Variants in EPHA6 observed in about 807,000 individuals in gnomAD.
The protein encoded by EPHA6 is ephrin type-A receptor 6.
In EPHA6, 50 loss-of-function variants were observed where a neutral mutation model predicts 112.0. The observed-to-expected ratio is 0.45, with a 90% CI of 0.36 to 0.56. EPHA6 has a LOEUF of 0.56. Ranked by LOEUF, EPHA6 falls within the 20% of genes least tolerant of loss-of-function variation. The probability of loss-of-function intolerance (pLI) is 0.00; values close to 1 mark genes in which losing one functional copy is unlikely to be tolerated. For missense variants in EPHA6, 1,280 were observed against 1,417.4 expected, an observed-to-expected ratio of 0.90 and a Z score of 1.56; for synonymous variants, 529 against 490.7, an observed-to-expected ratio of 1.08 and a Z score of -1.03.
In EPHA6 at chr3:97,209,407, C is replaced by A. The variant is rs377528003; in HGVS notation, c.1115-16857C>A. Among the ~76,000 whole-genome samples, 83 of 152,226 alleles carry A rather than the reference C, an allele frequency of 5.5e-4. 1 individual carries two copies. The highest frequency in any genetic ancestry group is 6.8e-3 in the Middle Eastern group (2 of 294). On this transcript the variant is annotated intron_variant, in intron 3 of 17. Transcript: ENST00000389672. ...TGGCTTCGAGAGCCTGGCTTGCTTA[C>A]GTATCATCTCTGTGACCTTCAGCAA...
intron 12 of EPHA6, among the ~76,000 whole-genome samples, chr3:97,595,968 C>G (rs1014339337): frequency 1.1e-4 from 16 of 146,252 alleles, no homozygotes; most frequent in Middle Eastern, 3.7e-3. Flanking sequence ...TGCAGTGGCA[C>G]GATCTCGGCT....
intron 10 of EPHA6, among the ~76,000 whole-genome samples, chr3:97,499,467 T>A (rs2092064103): frequency 6.6e-6 from 1 of 152,180 alleles, no homozygotes; most frequent in African/African-American, 2.4e-5. Flanking sequence ...TACAGTCTTG[T>A]GCCACTTAAG....
intron 2 of EPHA6, among the ~76,000 whole-genome samples, chr3:96,912,614 G>C (rs1183716159): frequency 6.6e-6 from 1 of 152,060 alleles, no homozygotes; most frequent in African/African-American, 2.4e-5. Context: ...TTGAAAAGGG[G>C]GTTCACTCTG....
chr3:97,046,886 A>G (rs1021121388), intron 3 of EPHA6, among the ~76,000 whole-genome samples: 2 of 152,150 alleles, frequency 1.3e-5, no homozygotes, highest in African/African-American at 2.4e-5. Flanking sequence ...AAAAACTTCA[A>G]TACTAAAATG....
chr3:97,456,890 T>C (rs1202060575), intron 7 of EPHA6, among the ~76,000 whole-genome samples: 1 of 152,218 alleles, frequency 6.6e-6, no homozygotes, highest in Non-Finnish European at 1.5e-5. Context: ...CTTAGGTATT[T>C]CAAATTGCCC....
intron 14 of EPHA6, among the ~76,000 whole-genome samples, chr3:97,677,035 TTTTAA>T (rs1258947122): frequency 6.6e-6 from 1 of 152,214 alleles, no homozygotes; most frequent in Non-Finnish European, 1.5e-5. Flanking sequence ...GGAACTGATT[TTTTAA>T]TTTAAGTTTA....
intron 13 of EPHA6, among the ~76,000 whole-genome samples, chr3:97,615,799 T>C (rs1186177584): frequency 6.6e-6 from 1 of 152,100 alleles, no homozygotes; most frequent in East Asian, 1.9e-4. Context: ...CCTCCTGTGT[T>C]CTCCAGCCCA....
At chr3:97,554,604 C>T (rs2093076518) in intron 11 of EPHA6, among the ~76,000 whole-genome samples, 1 of 152,090 alleles carries the variant, frequency 6.6e-6, no homozygotes, top group South Asian at 2.1e-4. Context: ...CATTTTTCCA[C>T]TCTTTTCAAC....
intron 1 of EPHA6, among the ~76,000 whole-genome samples, chr3:96,857,061 G>T (rs116342353): frequency 0.014 from 2,175 of 152,102 alleles, 57 homozygotes; most frequent in African/African-American, 0.049. Context: ...AGATTTCATT[G>T]CCATAATCTG....
intron 14 of EPHA6, among the ~76,000 whole-genome samples, chr3:97,697,191 C>G (rs1161440810): frequency 6.6e-6 from 1 of 152,186 alleles, no homozygotes; most frequent in Non-Finnish European, 1.5e-5. Context: ...TTATTTGTAT[C>G]CCAGCCTTTT....
At chr3:97,545,701 A>G (rs905458804) in intron 11 of EPHA6, among the ~76,000 whole-genome samples, 2 of 152,114 alleles carry the variant, frequency 1.3e-5, no homozygotes, top group African/African-American at 4.8e-5. Flanking sequence ...TGGGAGTCTA[A>G]GTCTCTTTGT....
intron 14 of EPHA6, among the ~76,000 whole-genome samples, chr3:97,681,388 GA>G: frequency 6.6e-6 from 1 of 152,012 alleles, no homozygotes; most frequent in South Asian, 2.1e-4. Context: ...TTTCACATGA[GA>G]ATAAAGACTT....
rs938708909 is a variant in EPHA6 at position 97,317,145 on chromosome 3, A to T, written c.1606+72858A>T. Among the ~76,000 whole-genome samples, 4 of 151,770 alleles carry T rather than the reference A, an allele frequency of 2.6e-5. No homozygotes were observed. In the Admixed American group the frequency reaches 2.6e-4, roughly 10 times the overall value. ...TCAGGATTGGAAGAGAAAAAAAAAA[A>T]GAAAATGTGATGATGGAAAGGCCAA... On this transcript the variant is annotated intron_variant, in intron 5 of 17. Transcript: ENST00000389672.
chr3:96,987,282 A>G (rs1380508680), intron 2 of EPHA6, 48 bp from the exon 3 acceptor site: 1 of 1,473,814 alleles, frequency 6.8e-7, no homozygotes, highest in African/African-American at 1.4e-5. Context: ...ATTTCTGTTT[A>G]ATCACTGTGG....
At chr3:97,527,731 C>G (rs938927382) in intron 10 of EPHA6, among the ~76,000 whole-genome samples, 2 of 152,180 alleles carry the variant, frequency 1.3e-5, no homozygotes, top group South Asian at 4.1e-4. Flanking sequence ...TTGGTAACAT[C>G]AAGAGGGCAG....
intron 2 of EPHA6, among the ~76,000 whole-genome samples, chr3:96,982,877 C>T (rs550718531): frequency 6.6e-6 from 1 of 151,938 alleles, no homozygotes; most frequent in African/African-American, 2.4e-5. Flanking sequence ...GGATTGCAAC[C>T]CCTGCCTTTT....
chr3:97,338,191 A>G (rs1398715362), intron 5 of EPHA6, among the ~76,000 whole-genome samples: 1 of 152,014 alleles, frequency 6.6e-6, no homozygotes, highest in Non-Finnish European at 1.5e-5. Flanking sequence ...GCCACATTGT[A>G]CAATTCTATA....
chr3:97,542,084 A>ATGTTTTTT (rs1213018631), intron 11 of EPHA6, among the ~76,000 whole-genome samples: 1 of 134,764 alleles, frequency 7.4e-6, no homozygotes, highest in East Asian at 2.0e-4. Context: ...TTGTCGCTTC[A>ATGTTTTTT]TGTTTTTTTG....
At chr3:96,969,831 T>C (rs149414327) in intron 2 of EPHA6, among the ~76,000 whole-genome samples, 148 of 152,096 alleles carry the variant, frequency 9.7e-4, no homozygotes, top group African/African-American at 3.1e-3. Flanking sequence ...ATATGCTAAA[T>C]ACTTTCTCCT....
Sources: gnomAD v4.1 joint callset for allele counts (sites outside exome capture counted in the v4.1 genomes callset) on GRCh38, gnomAD v4.1.1 for gene constraint, MANE v1.5 for transcripts, NCBI Gene and HGNC (gene_info 2026-07-23, HGNC 2026-07-21) for gene names.